Variants in PRKCI observed in about 807,000 individuals in gnomAD.
PRKCI encodes protein kinase C iota type.
Under a neutral mutation model 84.0 loss-of-function variants are expected in PRKCI, and 43 were observed. The ratio of observed to expected loss-of-function variants is 0.51; its 90% CI spans 0.40 to 0.66. The LOEUF (loss-of-function observed/expected upper bound fraction) is 0.66, where lower values mean the gene tolerates loss of function less well. Among genes scored for constraint, PRKCI ranks in the 30% least tolerant of loss-of-function variants. PRKCI has a pLI of 0.00. For missense variants in PRKCI, 459 were observed against 745.6 expected (o/e 0.62, Z 4.48); for synonymous variants, 216 against 234.4 (o/e 0.92, Z 0.72).
chr3:170,298,542 A>G (rs1474120541), intron 16 of PRKCI, among the ~76,000 whole-genome samples: 2 of 150,822 alleles, frequency 1.3e-5, no homozygotes, highest in African/African-American at 4.9e-5. Context: ...AGTAGCTGGG[A>G]TTACAGGTGT....
chr3:170,262,682 C>G (rs537543522), intron 3 of PRKCI, among the ~76,000 whole-genome samples: 56 of 152,134 alleles, frequency 3.7e-4, no homozygotes, highest in African/African-American at 1.3e-3. Flanking sequence ...AGAGTTTTAC[C>G]ATGTTGGCCA....
chr3:170,276,471 A>AT (rs200368741), intron 8 of PRKCI, among the ~76,000 whole-genome samples: 1,897 of 135,128 alleles, frequency 0.014, 17 homozygotes, highest in Non-Finnish European at 0.023. Context: ...TTTTCTTTTT[A>AT]TTTTTTTTGT....
rs533762488 is a variant in PRKCI, at chr3:170,222,571, C to T, written c.-99C>T. Reference sequence around the variant, plus strand: ...GTGGGCAGGTAGGTGGGCGGACGGCCGCGGTTCTCCGGCAAGCGCAGGCGG... The same window carrying T: ...GTGGGCAGGTAGGTGGGCGGACGGCTGCGGTTCTCCGGCAAGCGCAGGCGG... On this transcript the variant is annotated 5_prime_UTR_variant, in exon 1 of 18. Transcript: ENST00000295797. 452 of 1,073,698 alleles carry T rather than the reference C, an allele frequency of 4.2e-4. No individual in the cohort carries two copies. The highest frequency in any genetic ancestry group is 5.9e-4 in the Admixed American group (19 of 31,956). The allele number at this position is 1,073,698 out of a possible 1,614,324, so 66.5% of individuals were successfully genotyped here. A position where few individuals can be genotyped will look rare whatever the true frequency, so the allele number is the denominator to read the frequency against.
chr3:170,281,237 G>C lies in PRKCI; in HGVS notation c.954G>C (p.Leu318=), dbSNP rs758432444. Residue 318 remains leucine (L), a synonymous_variant, in exon 10 of 18, where the codon CTG becomes CTC. Coordinates refer to ENST00000295797, the MANE Select transcript of PRKCI (RefSeq NM_002740.6). Reference sequence around the variant, plus strand: ...CCAATCATCCTTTCCTTGTTGGGCTGCATTCTTGCTTTCAGACAGAAAGCA... The same window carrying C: ...CCAATCATCCTTTCCTTGTTGGGCTCCATTCTTGCTTTCAGACAGAAAGCA... ...QASNHPFLVG[L]HSCFQTESRL... 2.5e-6 allele frequency: 4 copies of C among 1,613,738 alleles called. No homozygotes were observed. Among genetic ancestry groups the C allele is most frequent in the Non-Finnish European group, 3.4e-6 (4 of 1,179,858 alleles).
intron 12 of PRKCI, among the ~76,000 whole-genome samples, chr3:170,287,005 C>G (rs1278797166): frequency 6.6e-6 from 1 of 151,768 alleles, no homozygotes; most frequent in Non-Finnish European, 1.5e-5. Context: ...TTCCAGTTAA[C>G]AAGGAAAGCA....
intron 5 of PRKCI, among the ~76,000 whole-genome samples, chr3:170,269,510 A>G (rs1733948983): frequency 6.6e-6 from 1 of 152,108 alleles, no homozygotes; most frequent in African/African-American, 2.4e-5. Context: ...AAAAAATACA[A>G]TCATTAGCAG....
chr3:170,257,630 T>C (rs954184515), intron 2 of PRKCI, among the ~76,000 whole-genome samples: 11 of 151,680 alleles, frequency 7.3e-5, no homozygotes, highest in Non-Finnish European at 1.3e-4. Flanking sequence ...GGCTACTGAA[T>C]GAATGGAGTG....
At chr3:170,267,242 G>A (rs993076591) in intron 4 of PRKCI, among the ~76,000 whole-genome samples, 5 of 151,222 alleles carry the variant, frequency 3.3e-5, no homozygotes, top group Non-Finnish European at 5.9e-5. Context: ...TATTTTTTTT[G>A]TAGTGATGAA....
At chr3:170,298,382 T>C (rs777387328) in intron 16 of PRKCI, among the ~76,000 whole-genome samples, 26 of 151,354 alleles carry the variant, frequency 1.7e-4, no homozygotes, top group Non-Finnish European at 2.7e-4. Context: ...GCATAAGCCA[T>C]GGTACCCAGC....
chr3:170,299,428 T>C (rs1422447711), intron 17 of PRKCI, among the ~76,000 whole-genome samples: 1 of 152,184 alleles, frequency 6.6e-6, no homozygotes, highest in Non-Finnish European at 1.5e-5. Context: ...GAGTTTGCCA[T>C]GTTGGCCAGG....
intron 1 of PRKCI, among the ~76,000 whole-genome samples, chr3:170,234,250 C>T (rs553421824): frequency 1.8e-4 from 27 of 151,728 alleles, no homozygotes; most frequent in African/African-American, 3.9e-4. Flanking sequence ...AGGCTGGTCT[C>T]GAACTCCCAA....
chr3:170,222,726 C>T lies in PRKCI; in HGVS notation c.57C>T (p.Ser19=). Reference sequence around the variant, plus strand: ...CCCACACGGTCGCAGGCGGCGGCAGCGGGGACCATTCCCACCAGGTCCGGG... The same window carrying T: ...CCCACACGGTCGCAGGCGGCGGCAGTGGGGACCATTCCCACCAGGTCCGGG... ...TMSHTVAGGG[S]GDHSHQVRVK... Residue 19 remains serine, a synonymous_variant, in exon 1 of 18, where the codon AGC becomes AGT. Transcript: ENST00000295797. The T allele has an allele frequency of 6.4e-7, 1 of 1,569,140 alleles. No homozygotes were observed. The highest frequency in any genetic ancestry group is 8.7e-7 in the Non-Finnish European group (1 of 1,153,272).
At chr3:170,294,712 T>A (rs570837747) in intron 14 of PRKCI, among the ~76,000 whole-genome samples, 1 of 152,316 alleles carries the variant, frequency 6.6e-6, no homozygotes, top group South Asian at 2.1e-4. Context: ...TTTTTATTCC[T>A]ATTTTACAGA....
chr3:170,279,552 G>A (rs1223554152), intron 8 of PRKCI, among the ~76,000 whole-genome samples: 1 of 152,166 alleles, frequency 6.6e-6, no homozygotes, highest in East Asian at 1.9e-4. Flanking sequence ...AGGCTTCTCT[G>A]TAAATTGCTA....
intron 17 of PRKCI, among the ~76,000 whole-genome samples, chr3:170,300,960 G>A (rs181607064): frequency 1.5e-4 from 23 of 152,184 alleles, no homozygotes; most frequent in African/African-American, 5.5e-4. Context: ...TTCTGTTCAT[G>A]ACAGCCTTCT....
intron 6 of PRKCI, among the ~76,000 whole-genome samples, chr3:170,271,894 C>CT (rs1226790499): frequency 5.3e-5 from 8 of 152,186 alleles, no homozygotes; most frequent in African/African-American, 1.9e-4. Flanking sequence ...AATGTAGTGG[C>CT]ACAATCTTGG....
At chr3:170,286,862 G>A (rs1274425732) in intron 12 of PRKCI, among the ~76,000 whole-genome samples, 10 of 146,230 alleles carry the variant, frequency 6.8e-5, no homozygotes, top group African/African-American at 1.8e-4. Context: ...GCCCAGGCTC[G>A]TCTCAAACCC....
Position 170,235,975 on chromosome 3 carries a change from A to G in PRKCI, c.223+624A>G, listed in dbSNP as rs568603022. ...TTTTTTTTTTTTATTTTTTAAAGAC[A>G]GGGTCTTGCTAAGTTGTCCAGGCTG... On this transcript the variant is annotated intron_variant, in intron 2 of 17. Transcript: ENST00000295797. 9.5e-4 allele frequency among the ~76,000 whole-genome samples: 144 copies of G among 151,786 alleles called. 1 individual carries two copies. Among genetic ancestry groups the G allele is most frequent in the African/African-American group, 3.1e-3 (127 of 41,410 alleles).
chr3:170,224,026 C>T (rs528164358), intron 1 of PRKCI, among the ~76,000 whole-genome samples: 95 of 151,554 alleles, frequency 6.3e-4, no homozygotes, highest in African/African-American at 1.8e-3. Context: ...ATTAACTCGT[C>T]ATTTACATTA....
Sources: allele counts gnomAD v4.1 joint callset (sites outside exome capture counted in the v4.1 genomes callset), GRCh38; gene constraint gnomAD v4.1.1; transcripts MANE v1.5; gene names NCBI Gene and HGNC (gene_info 2026-07-23, HGNC 2026-07-21).